MGLL: variants seen among roughly 807,000 people sequenced by gnomAD.
The protein encoded by MGLL is lysophospholipase homolog.
MGLL carries 7 observed loss-of-function variants against 29.1 expected under a neutral mutation model. The observed-to-expected ratio is 0.24, with a 90% confidence interval of 0.14 to 0.45. The LOEUF is 0.45. Among genes scored for constraint, MGLL ranks in the 20% least tolerant of loss-of-function variants. The probability of loss-of-function intolerance (pLI) is 0.99; values close to 1 mark genes in which losing one functional copy is unlikely to be tolerated. For missense variants in MGLL, 356 were observed against 413.6 expected (o/e 0.86, Z 1.21); for synonymous variants, 148 against 168.3 (o/e 0.88, Z 0.93).
chr3:127,700,399 C>T (rs2075455972), intron 6 of MGLL, among the ~76,000 whole-genome samples: 1 of 152,302 alleles, frequency 6.6e-6, no homozygotes, highest in Admixed American at 6.5e-5. Context: ...ACATTGTCTA[C>T]TCCGCTTTCA....
intron 2 of MGLL, among the ~76,000 whole-genome samples, chr3:127,809,425 T>A (rs1278810106): frequency 6.6e-6 from 1 of 152,036 alleles, no homozygotes; most frequent in Admixed American, 6.6e-5. Flanking sequence ...TGGGAATTTG[T>A]GACATGCCTG....
intron 3 of MGLL, among the ~76,000 whole-genome samples, chr3:127,753,647 C>A (rs909457486): frequency 2.6e-5 from 4 of 152,248 alleles, no homozygotes; most frequent in African/African-American, 9.6e-5. Context: ...GCACAGACAG[C>A]ATAACCTCTG....
chr3:127,732,370 C>T (rs1205401358), intron 3 of MGLL, among the ~76,000 whole-genome samples: 3 of 152,254 alleles, frequency 2.0e-5, no homozygotes, highest in African/African-American at 7.2e-5. Context: ...TAAAGGGCAG[C>T]GCTCAGCCCC....
At chr3:127,709,118 T>C (rs2075660598) in intron 6 of MGLL, among the ~76,000 whole-genome samples, 1 of 152,216 alleles carries the variant, frequency 6.6e-6, no homozygotes, top group Non-Finnish European at 1.5e-5. Context: ...GGCTTTGGTC[T>C]TTCTGGGTCC....
At chr3:127,815,153 G>A (rs2077732022) in intron 2 of MGLL, among the ~76,000 whole-genome samples, 1 of 152,114 alleles carries the variant, frequency 6.6e-6, no homozygotes, top group African/African-American at 2.4e-5. Flanking sequence ...TATTGTAACT[G>A]GTGACGTCTG....
At chr3:127,736,769 A>T (rs1170977184) in intron 3 of MGLL, among the ~76,000 whole-genome samples, 1 of 152,132 alleles carries the variant, frequency 6.6e-6, no homozygotes, top group Non-Finnish European at 1.5e-5. Context: ...ATCTCGGCTC[A>T]CTGCAGCCTC....
chr3:127,737,048 G>A lies in MGLL; in HGVS notation c.263-14482C>T, dbSNP rs147381251. Among the ~76,000 whole-genome samples, 396 of 152,240 alleles carry A rather than the reference G, an allele frequency of 2.6e-3. 1 individual carries two copies. Among genetic ancestry groups the A allele is most frequent in the African/African-American group, 8.8e-3 (364 of 41,544 alleles). Reference sequence around the variant, plus strand: ...GGGAGGGAAGAGTCACCATCTACCAGTTGGAAGATGAGGAGGCTAAGGCCA... The same window carrying A: ...GGGAGGGAAGAGTCACCATCTACCAATTGGAAGATGAGGAGGCTAAGGCCA... On this transcript the variant is annotated intron_variant, in intron 3 of 7. Transcript: ENST00000265052.
In MGLL at chr3:127,705,660, C is replaced by T. The variant is rs2075586025; in HGVS notation, c.600+4916G>A. Among the ~76,000 whole-genome samples, 5 of 151,832 alleles carry T rather than the reference C, an allele frequency of 3.3e-5. No homozygotes were observed. In the South Asian group the frequency reaches 1.0e-3, roughly 32 times the overall value. On this transcript the variant is annotated intron_variant, in intron 6 of 7. Transcript: ENST00000265052. ...GTGTGGTGGCACGCGCCTGTAATCCCAGCTACTCAGGAGGCTGAGGCAGGA... is the reference window on the plus strand; with the variant it reads ...GTGTGGTGGCACGCGCCTGTAATCCTAGCTACTCAGGAGGCTGAGGCAGGA...
rs1291726624 is a variant in MGLL, at chr3:127,761,372, G to T, written c.262+20417C>A. On this transcript the variant is annotated intron_variant, in intron 3 of 7. Transcript: ENST00000265052. This position sits in a 1 kb window ranked among gnomAD's most constrained non-coding sequence, Gnocchi z 4.6. ...GTTGGGGGTGCTGGCTTAGTTTAGGGTGGGGATGAGAAGCTTTGAGGGACC... is the reference window on the plus strand; with the variant it reads ...GTTGGGGGTGCTGGCTTAGTTTAGGTTGGGGATGAGAAGCTTTGAGGGACC... Among the ~76,000 whole-genome samples the T allele has an allele frequency of 6.6e-6, 1 of 152,322 alleles. No individual in the cohort carries two copies. Among genetic ancestry groups the T allele is most frequent in the East Asian group, 1.9e-4 (1 of 5,186 alleles).
At chr3:127,730,989 TG>T (rs2076140933) in intron 3 of MGLL, among the ~76,000 whole-genome samples, 5 of 152,134 alleles carry the variant, frequency 3.3e-5, no homozygotes. Flanking sequence ...TGGCAGAAGG[TG>T]GGTGTTTGAT....
intron 6 of MGLL, among the ~76,000 whole-genome samples, chr3:127,705,977 A>C (rs1351684862): frequency 6.6e-6 from 1 of 152,104 alleles, no homozygotes; most frequent in Non-Finnish European, 1.5e-5. Context: ...GGACACTGGA[A>C]CCCTTGAGCA....
chr3:127,741,189 GA>G (rs1193565092), intron 3 of MGLL, among the ~76,000 whole-genome samples: 1 of 152,226 alleles, frequency 6.6e-6, no homozygotes, highest in African/African-American at 2.4e-5. Flanking sequence ...TTCATCACAG[GA>G]AACACATCCA....
intron 7 of MGLL, 144 bp downstream of exon 7, chr3:127,694,831 T>C (rs2075324574): frequency 1.4e-6 from 1 of 716,466 alleles, no homozygotes; most frequent in African/African-American, 1.8e-5. Context: ...CTTTTATTTA[T>C]TTATTTCTCG....
At chr3:127,792,324 AG>A (rs1286839069) in intron 2 of MGLL, among the ~76,000 whole-genome samples, 1 of 152,234 alleles carries the variant, frequency 6.6e-6, no homozygotes, top group Non-Finnish European at 1.5e-5. Context: ...GTAATGGCAA[AG>A]GGATTGCTGT....
At chr3:127,703,322 G>T (rs982812575) in intron 6 of MGLL, among the ~76,000 whole-genome samples, 3 of 152,200 alleles carry the variant, frequency 2.0e-5, no homozygotes, top group Admixed American at 2.0e-4. Context: ...AAACAAGAAA[G>T]AATTCCCAGG....
chr3:127,761,320 T>C lies in MGLL; in HGVS notation c.262+20469A>G, dbSNP rs571940329. ...GGCAAACTGGCTTCTCCCCTGCTGC[T>C]GTGTCTTGTTAGAGCCACCGTGTTG... On this transcript the variant is annotated intron_variant, in intron 3 of 7. Transcript: ENST00000265052. The surrounding 1 kb of genome is among the most constrained non-coding windows in gnomAD (Gnocchi z 4.6). 6.6e-6 allele frequency among the ~76,000 whole-genome samples: 1 copy of C among 152,260 alleles called. No individual in the cohort carries two copies. The highest frequency in any genetic ancestry group is 2.1e-4 in the South Asian group (1 of 4,828).
At chr3:127,711,557 A>G (rs2075714215) in intron 5 of MGLL, 1 of 152,230 alleles carries the variant, frequency 6.6e-6, no homozygotes, top group African/African-American at 2.4e-5. Flanking sequence ...TGCTATTTCA[A>G]AAGTGAGCTG....
chr3:127,701,215 CAAAAA>C (rs60128956), intron 6 of MGLL, among the ~76,000 whole-genome samples: 4 of 56,430 alleles, frequency 7.1e-5, no homozygotes, highest in African/African-American at 3.8e-4. Context: ...ACCCTGCCTC[CAAAAA>C]AAAAAAAAAA....
At chr3:127,775,524 G>A (rs138004216) in intron 3 of MGLL, among the ~76,000 whole-genome samples, 2 of 151,904 alleles carry the variant, frequency 1.3e-5, no homozygotes, top group Admixed American at 1.3e-4. Flanking sequence ...GGAGAACCAC[G>A]CGTAACTGCC....
Sources: gnomAD v4.1 joint callset for allele counts (sites outside exome capture counted in the v4.1 genomes callset) on GRCh38, gnomAD v4.1.1 for gene constraint, Gnocchi (gnomAD v3.1) non-coding constraint, MANE v1.5 for transcripts, NCBI Gene and HGNC (gene_info 2026-07-23, HGNC 2026-07-21) for gene names.